HYCC1: variants seen among roughly 807,000 people sequenced by gnomAD.
The protein encoded by HYCC1 is hyccin.
At chr7:22,911,314 C>G in the HYCC1 span, among the ~76,000 whole-genome samples, 1 of 152,164 alleles carries the variant, frequency 6.6e-6, no homozygotes, top group Non-Finnish European at 1.5e-5. Context: ...TGACCTAGTA[C>G]TAGATTTTTG....
At chr7:22,980,889 C>T in the HYCC1 span, among the ~76,000 whole-genome samples, 18 of 152,124 alleles carry the variant, frequency 1.2e-4, no homozygotes, top group Non-Finnish European at 2.5e-4. Context: ...CAACTAAAAG[C>T]GCCGCTTAAG....
At chr7:22,942,713 A>G in the HYCC1 span, 1 of 152,174 alleles carries the variant, frequency 6.6e-6, no homozygotes, top group African/African-American at 2.4e-5. Flanking sequence ...TACTTAGGAG[A>G]TCTGTGACCA....
At chr7:22,924,300 G>A in the HYCC1 span, among the ~76,000 whole-genome samples, 18 of 152,236 alleles carry the variant, frequency 1.2e-4, no homozygotes, top group African/African-American at 3.4e-4. Context: ...CTGAGGTAAC[G>A]GGTTCATCTC....
the HYCC1 span, among the ~76,000 whole-genome samples, chr7:22,930,853 A>G: frequency 6.6e-6 from 1 of 152,056 alleles, no homozygotes; most frequent in East Asian, 1.9e-4. Flanking sequence ...TTAATGTGCT[A>G]CCCCATATTA....
the HYCC1 span, chr7:22,964,522 A>G: frequency 3.1e-4 from 490 of 1,585,286 alleles, 4 homozygotes; most frequent in African/African-American, 5.7e-3. Flanking sequence ...GATATCCACA[A>G]ACACAGATTC....
the HYCC1 span, among the ~76,000 whole-genome samples, chr7:23,010,700 TG>T: frequency 2.6e-5 from 4 of 152,220 alleles, no homozygotes; most frequent in Admixed American, 2.0e-4. Context: ...TATTGATATC[TG>T]GGTTCAACAC....
At chr7:22,982,733 T>C in the HYCC1 span, among the ~76,000 whole-genome samples, 1 of 152,092 alleles carries the variant, frequency 6.6e-6, no homozygotes, top group South Asian at 2.1e-4. Flanking sequence ...ATCTTTTCAT[T>C]TGCCAATCTA....
At chr7:22,992,474 C>T in the HYCC1 span, among the ~76,000 whole-genome samples, 1 of 151,924 alleles carries the variant, frequency 6.6e-6, no homozygotes, top group African/African-American at 2.4e-5. Context: ...AAAATGTTAC[C>T]AAAGCACTGC....
At chr7:22,948,950 C>T in the HYCC1 span, among the ~76,000 whole-genome samples, 3 of 151,924 alleles carry the variant, frequency 2.0e-5, no homozygotes, top group South Asian at 4.1e-4. Context: ...CCAGAGGTCA[C>T]TGCAACTGAG....
chr7:22,988,154 C>A, the HYCC1 span, among the ~76,000 whole-genome samples: 1 of 152,068 alleles, frequency 6.6e-6, no homozygotes, highest in Non-Finnish European at 1.5e-5. Flanking sequence ...GAATAACACT[C>A]CAAATAATTA....
the HYCC1 span, among the ~76,000 whole-genome samples, chr7:22,897,349 G>A: frequency 7.2e-5 from 11 of 152,120 alleles, no homozygotes; most frequent in African/African-American, 1.2e-4. Context: ...GAGGAGTTAC[G>A]TGATCTGATT....
At chr7:22,986,330 G>A in the HYCC1 span, among the ~76,000 whole-genome samples, 1 of 152,182 alleles carries the variant, frequency 6.6e-6, no homozygotes, top group Non-Finnish European at 1.5e-5. Context: ...TGTCTGTAGA[G>A]AGGGAGAAAA....
At chr7:22,951,168 G>A in the HYCC1 span, among the ~76,000 whole-genome samples, 1 of 151,880 alleles carries the variant, frequency 6.6e-6, no homozygotes, top group South Asian at 2.1e-4. Context: ...AACTGATGAC[G>A]AAAAGTTGTG....
At chr7:22,961,880 A>AGT in the HYCC1 span, among the ~76,000 whole-genome samples, 1 of 151,592 alleles carries the variant, frequency 6.6e-6, no homozygotes, top group Non-Finnish European at 1.5e-5. Context: ...TGCATGTGTG[A>AGT]GTGTGTGTGT....
the HYCC1 span, among the ~76,000 whole-genome samples, chr7:22,992,412 T>C: frequency 2.0e-5 from 3 of 152,124 alleles, no homozygotes; most frequent in East Asian, 1.9e-4. Context: ...TACTGTATTA[T>C]TGATTTTATA....
the HYCC1 span, among the ~76,000 whole-genome samples, chr7:22,987,332 GAGGCC>G: frequency 6.6e-6 from 1 of 152,234 alleles, no homozygotes; most frequent in South Asian, 2.1e-4. Flanking sequence ...CGGATAACTT[GAGGCC>G]AGGAGTTCGA....
the HYCC1 span, chr7:22,983,739 A>G: frequency 3.7e-6 from 2 of 542,046 alleles, no homozygotes; most frequent in East Asian, 3.1e-5. Context: ...GCGAGAGAGA[A>G]AAAGAGAGAA....
chr7:22,926,409 C>T, the HYCC1 span, among the ~76,000 whole-genome samples: 1 of 152,082 alleles, frequency 6.6e-6, no homozygotes, highest in African/African-American at 2.4e-5. Context: ...AGAGTCAAGA[C>T]CCATCAGTGT....
chr7:22,949,565 T>C, the HYCC1 span, among the ~76,000 whole-genome samples: 1 of 151,952 alleles, frequency 6.6e-6, no homozygotes, highest in African/African-American at 2.4e-5. Context: ...AAGTAATAAT[T>C]CTTGAGTTTA....
Sources: gnomAD v4.1 joint callset for allele counts (sites outside exome capture counted in the v4.1 genomes callset) on GRCh38, gnomAD v4.1.1 for gene constraint, MANE v1.5 for transcripts, NCBI Gene and HGNC (gene_info 2026-07-23, HGNC 2026-07-21) for gene names.